SLC9C2: variants seen among roughly 807,000 people sequenced by gnomAD.
SLC9C2 encodes sodium/hydrogen exchanger 11.
Under a neutral mutation model 140.2 loss-of-function variants are expected in SLC9C2, and 75 were observed. The observed-to-expected ratio is 0.53, with a 90% confidence interval of 0.44 to 0.65. The LOEUF (loss-of-function observed/expected upper bound fraction) is 0.65, where lower values mean the gene tolerates loss of function less well. Among genes scored for constraint, SLC9C2 ranks in the 30% least tolerant of loss-of-function variants. The pLI is 0.00. For synonymous variants in SLC9C2, 375 were observed against 420.9 expected, an observed-to-expected ratio of 0.89 and a Z score of 1.34; for missense variants, 1,074 against 1,331.8, an observed-to-expected ratio of 0.81 and a Z score of 3.01.
chr1:173,550,440 A>ATTTTT (rs1304209360), intron 11 of SLC9C2, among the ~76,000 whole-genome samples: 3 of 124,212 alleles, frequency 2.4e-5, no homozygotes, highest in African/African-American at 1.1e-4. Flanking sequence ...TTATTTATTT[A>ATTTTT]TTTATTTATT....
At chr1:173,587,354 T>C (rs1477447384) in intron 5 of SLC9C2, among the ~76,000 whole-genome samples, 4 of 152,142 alleles carry the variant, frequency 2.6e-5, no homozygotes, top group Admixed American at 2.6e-4. Flanking sequence ...ATCTACCTTG[T>C]GGCTAAGAAT....
intron 4 of SLC9C2, among the ~76,000 whole-genome samples, chr1:173,589,038 A>C (rs1465526042): frequency 6.6e-6 from 1 of 152,196 alleles, no homozygotes; most frequent in Non-Finnish European, 1.5e-5. Context: ...TGATATTACC[A>C]CTGCACTCCA....
rs761970547 is a variant in SLC9C2 at position 173,521,276 on chromosome 1, A to G, written c.2739+25T>C. Reference sequence around the variant, plus strand: ...TCAAAATACATTTTAAGTAAAAAAAAAAAAAAAAATCAATAGTCCCTTACA... The same window carrying G: ...TCAAAATACATTTTAAGTAAAAAAAGAAAAAAAAATCAATAGTCCCTTACA... On this transcript the variant is annotated intron_variant, in intron 22 of 27. Coordinates refer to ENST00000367714, the MANE Select transcript of SLC9C2 (RefSeq NM_178527.4). 42 of 1,343,266 alleles carry G rather than the reference A, an allele frequency of 3.1e-5. No homozygotes were observed. The East Asian group carries it at 1.0e-3, about 33-fold the overall frequency. 83.2% of individuals were successfully genotyped at this position (1,343,266 alleles called of 1,614,324 possible). A position where few individuals can be genotyped will look rare whatever the true frequency, so the allele number is the denominator to read the frequency against.
chr1:173,568,161 C>T (rs929934776), intron 9 of SLC9C2, among the ~76,000 whole-genome samples: 5 of 152,148 alleles, frequency 3.3e-5, no homozygotes, highest in Admixed American at 6.5e-5. Context: ...TGGGAGTACA[C>T]GTGAAGGTTT....
At chr1:173,514,963 A>T (rs1558018459) in intron 23 of SLC9C2, among the ~76,000 whole-genome samples, 1 of 152,114 alleles carries the variant, frequency 6.6e-6, no homozygotes, top group Non-Finnish European at 1.5e-5. Flanking sequence ...TTTCTTTAAG[A>T]ATGTTGAATA....
chr1:173,546,387 G>C (rs1048791175), intron 13 of SLC9C2, among the ~76,000 whole-genome samples: 2 of 151,986 alleles, frequency 1.3e-5, no homozygotes, highest in Non-Finnish European at 2.9e-5. Flanking sequence ...ACAAAAATTA[G>C]CTGGGCATGG....
chr1:173,560,272 T>C (rs1664017814), intron 9 of SLC9C2, among the ~76,000 whole-genome samples: 1 of 152,216 alleles, frequency 6.6e-6, no homozygotes, highest in Non-Finnish European at 1.5e-5. Flanking sequence ...TAGTGGATAT[T>C]GTGGTGTTCC....
intron 13 of SLC9C2, among the ~76,000 whole-genome samples, chr1:173,541,136 T>A (rs6681773): frequency 2.0e-5 from 3 of 150,512 alleles, no homozygotes; most frequent in Admixed American, 6.6e-5. Context: ...ACACACATAC[T>A]CTCAAAATAA....
chr1:173,545,392 C>T (rs1662770476), intron 13 of SLC9C2, among the ~76,000 whole-genome samples: 1 of 152,166 alleles, frequency 6.6e-6, no homozygotes, highest in African/African-American at 2.4e-5. Context: ...GGATTATTTC[C>T]TATGGAAACG....
chr1:173,526,468 G>A (rs148805430), intron 19 of SLC9C2, among the ~76,000 whole-genome samples, 195 bp downstream of exon 19: 9 of 152,220 alleles, frequency 5.9e-5, no homozygotes, highest in African/African-American at 2.2e-4. Flanking sequence ...CACTCCACAA[G>A]ATTCTGCACT....
At chr1:173,563,606 G>A (rs551947319) in intron 9 of SLC9C2, among the ~76,000 whole-genome samples, 1 of 152,026 alleles carries the variant, frequency 6.6e-6, no homozygotes, top group African/African-American at 2.4e-5. Context: ...TGTATTTATG[G>A]GGTACATGAG....
chr1:173,554,938 T>C, intron 10 of SLC9C2, 124 bp from the exon 11 acceptor site: 1 of 685,278 alleles, frequency 1.5e-6, no homozygotes. Context: ...TAAAATCCTG[T>C]TTCTGATAAG....
chr1:173,561,844 CACACACACACAGACACAG>C (rs1221654192), intron 9 of SLC9C2, among the ~76,000 whole-genome samples: 2 of 129,634 alleles, frequency 1.5e-5, no homozygotes, highest in African/African-American at 8.1e-5. Flanking sequence ...ACATAAGATA[CACACACACACAGACACAG>C]ACACACACAC....
At chr1:173,578,404 G>A (rs181435666) in intron 7 of SLC9C2, among the ~76,000 whole-genome samples, 2 of 152,272 alleles carry the variant, frequency 1.3e-5, no homozygotes, top group East Asian at 1.9e-4. Flanking sequence ...CTGCATTTTC[G>A]CTTTCCGGCT....
chr1:173,600,176 A>G lies in SLC9C2; in HGVS notation c.169T>C (p.Leu57=). 1.2e-6 allele frequency: 2 copies of G among 1,612,864 alleles called. No homozygotes were observed. Among genetic ancestry groups the G allele is most frequent in the Non-Finnish European group, 1.7e-6 (2 of 1,179,384 alleles). ...AATCCTGATAGAGAAAGAATCGTCA[A>G]AACAATGACTTCACAATTCTTTAAA... The part of the protein sequence containing the change: ...MCLKNCEVIV[L]TILSLSGFVI... Residue 57 remains leucine (L), a synonymous_variant, in exon 3 of 28, where the codon TTG becomes CTG. Coordinates refer to ENST00000367714, the MANE Select transcript of SLC9C2 (RefSeq NM_178527.4).
chr1:173,517,770 G>T, intron 22 of SLC9C2, 66 bp from the exon 23 acceptor site: 1 of 1,350,322 alleles, frequency 7.4e-7, no homozygotes, highest in South Asian at 1.7e-5. Flanking sequence ...CAAATCATAG[G>T]AGCTCCCACT....
intron 10 of SLC9C2, among the ~76,000 whole-genome samples, chr1:173,556,704 GC>G (rs1663729879): frequency 6.6e-6 from 1 of 151,940 alleles, no homozygotes; most frequent in Non-Finnish European, 1.5e-5. Flanking sequence ...ATCACCTGAG[GC>G]CAAGAGTTCG....
chr1:173,536,178 T>C (rs1030820301), intron 14 of SLC9C2, among the ~76,000 whole-genome samples: 1 of 143,348 alleles, frequency 7.0e-6, no homozygotes, highest in Admixed American at 7.0e-5. Flanking sequence ...TGAACATAAG[T>C]AAAGCTTCTC....
chr1:173,574,907 C>T (rs1277976824), intron 8 of SLC9C2, among the ~76,000 whole-genome samples: 4 of 151,964 alleles, frequency 2.6e-5, no homozygotes, highest in African/African-American at 9.7e-5. Context: ...TTGCTTGAGC[C>T]CAGGAGTTTG....
Sources: allele counts gnomAD v4.1 joint callset (sites outside exome capture counted in the v4.1 genomes callset), GRCh38; gene constraint gnomAD v4.1.1; transcripts MANE v1.5; gene names NCBI Gene and HGNC (gene_info 2026-07-23, HGNC 2026-07-21).